The following OTOGL variants were observed in gnomAD, a reference collection of about 807,000 sequenced individuals.
OTOGL encodes otogelin like.
In OTOGL, 285 loss-of-function variants were observed where a neutral mutation model predicts 318.5. That is an observed-to-expected ratio of 0.89 (90% CI 0.81 to 0.99). The LOEUF is 0.99. Among genes scored for constraint, OTOGL ranks in the 50% least tolerant of loss-of-function variants. OTOGL has a pLI of 0.00. For missense variants in OTOGL, 2,899 were observed against 2,845.6 expected, an observed-to-expected ratio of 1.02 and a Z score of -0.43; for synonymous variants, 987 against 936.5, an observed-to-expected ratio of 1.05 and a Z score of -0.99.
chr12:80,163,911 A>G (rs1321100990), intron 1 of OTOGL, among the ~76,000 whole-genome samples: 12 of 152,162 alleles, frequency 7.9e-5, no homozygotes, highest in African/African-American at 2.4e-4. Context: ...TCATTCTTCA[A>G]TGGGAGAAAC....
At chr12:80,205,868 C>T (rs1335216310) in intron 1 of OTOGL, among the ~76,000 whole-genome samples, 1 of 152,040 alleles carries the variant, frequency 6.6e-6, no homozygotes, top group Non-Finnish European at 1.5e-5. Context: ...TACAAATATC[C>T]CATTATTATC....
chr12:80,355,993 G>A (rs1244545937), intron 47 of OTOGL, 45 bp downstream of exon 47: 10 of 1,564,404 alleles, frequency 6.4e-6, no homozygotes, highest in Non-Finnish European at 8.8e-6. Context: ...CACAAAATAT[G>A]TTGATATTCT....
chr12:80,105,062 C>T (rs1365053890), intron 1 of OTOGL, among the ~76,000 whole-genome samples: 1 of 152,060 alleles, frequency 6.6e-6, no homozygotes, highest in Non-Finnish European at 1.5e-5. Context: ...CACCATTGCA[C>T]TCTGCACTCC....
intron 24 of OTOGL, among the ~76,000 whole-genome samples, chr12:80,275,906 G>T (rs1310824764): frequency 6.6e-6 from 1 of 151,232 alleles, no homozygotes; most frequent in Non-Finnish European, 1.5e-5. Context: ...ATGCTATTAT[G>T]CATTTAATAG....
intron 57 of OTOGL, among the ~76,000 whole-genome samples, chr12:80,373,607 T>G (rs1325279145): frequency 6.6e-6 from 1 of 151,824 alleles, no homozygotes; most frequent in Admixed American, 6.6e-5. Flanking sequence ...AGAGTCATAC[T>G]GAACAGAATA....
chr12:80,206,750 A>G (rs1394808454), intron 1 of OTOGL, among the ~76,000 whole-genome samples: 1 of 150,242 alleles, frequency 6.7e-6, no homozygotes, highest in African/African-American at 2.5e-5. Flanking sequence ...TAAACTTCTG[A>G]GCTGAAGTGC....
At chr12:80,314,784 C>T (rs1886867767) in intron 32 of OTOGL, among the ~76,000 whole-genome samples, 1 of 152,020 alleles carries the variant, frequency 6.6e-6, no homozygotes. Flanking sequence ...GATACATGTA[C>T]ACATTGTGGA....
At chr12:80,195,670 A>T (rs545304492) in intron 1 of OTOGL, among the ~76,000 whole-genome samples, 1 of 152,284 alleles carries the variant, frequency 6.6e-6, no homozygotes, top group African/African-American at 2.4e-5. Flanking sequence ...TTAGATTTTG[A>T]TATAGACAAT....
intron 1 of OTOGL, among the ~76,000 whole-genome samples, chr12:80,207,809 T>G (rs893051535): frequency 6.6e-6 from 1 of 152,214 alleles, no homozygotes; most frequent in Non-Finnish European, 1.5e-5. Flanking sequence ...GTCTTTTAAT[T>G]TACTTTGTAG....
chr12:80,128,578 G>A (rs1456050977), intron 1 of OTOGL, among the ~76,000 whole-genome samples: 3 of 152,196 alleles, frequency 2.0e-5, no homozygotes, highest in East Asian at 1.9e-4. Context: ...GTCAGACAGG[G>A]ACATTTAAGT....
intron 26 of OTOGL, among the ~76,000 whole-genome samples, chr12:80,279,461 T>A (rs1291562753): frequency 6.6e-6 from 1 of 151,420 alleles, no homozygotes; most frequent in African/African-American, 2.4e-5. Context: ...CACCCTTAAG[T>A]AGTAGGCCCC....
rs200037459 is a variant in OTOGL, at chr12:80,236,828, TG to T, written c.818-2022del. 2.2e-3 allele frequency among the ~76,000 whole-genome samples: 316 copies of T among 144,570 alleles called. 14 individuals carry two copies. The highest frequency in any genetic ancestry group is 6.5e-3 in the East Asian group (33 of 5,084). The allele number at this position is 144,570 out of a possible 152,430, so 94.8% of individuals were successfully genotyped here. A position where few individuals can be genotyped will look rare whatever the true frequency, so the allele number is the denominator to read the frequency against. Reference sequence around the variant, plus strand: ...TTCTTTTTCTTTTCTTTTTTTTTTTTGTTTGAGACAGGGTCTTTCTCTGTCG... The same window carrying T: ...TTCTTTTTCTTTTCTTTTTTTTTTTTTTTGAGACAGGGTCTTTCTCTGTCG... On this transcript the variant is annotated intron_variant, in intron 9 of 58. Coordinates refer to ENST00000547103, the MANE Select transcript of OTOGL (RefSeq NM_001378609.3).
chr12:80,284,407 C>T (rs1226420547), intron 26 of OTOGL, among the ~76,000 whole-genome samples: 1 of 152,090 alleles, frequency 6.6e-6, no homozygotes. Context: ...AATGAGATTG[C>T]TGGGTCAAGT....
chr12:80,268,044 C>T (rs1402014730), intron 22 of OTOGL, among the ~76,000 whole-genome samples: 1 of 151,956 alleles, frequency 6.6e-6, no homozygotes, highest in Non-Finnish European at 1.5e-5. Flanking sequence ...TCCCCAGGCC[C>T]ATCAATACTA....
rs1227582425 is a variant in OTOGL at position 80,253,398 on chromosome 12, A to C, written c.1286-68A>C. On this transcript the variant is annotated intron_variant, in intron 13 of 58. Transcript: ENST00000547103. The stretch of plus-strand genomic sequence containing the variant: ...GTATTCAACAGAAGTTGGTTGAATT[A>C]TTATATTCCAGAAATACAATCTTTA... 9.2e-6 allele frequency: 13 copies of C among 1,413,372 alleles called. No individual in the cohort carries two copies. In the East Asian group the frequency reaches 3.0e-4, roughly 33 times the overall value. The allele number at this position is 1,413,372 out of a possible 1,614,324, so 87.6% of individuals were successfully genotyped here.
At position 80,337,280 on chromosome 12, in the gene OTOGL, T is replaced by A. The variant is rs11114408; in HGVS notation, c.4860+276T>A. On this transcript the variant is annotated intron_variant, in intron 42 of 58. Coordinates refer to ENST00000547103, the MANE Select transcript of OTOGL (RefSeq NM_001378609.3). ...GAGATAGTGTGATTGGCCAGTCTTC[T>A]TTGTGTCAGAGTTAATATCACGTTC... 0.19 allele frequency among the ~76,000 whole-genome samples: 28,351 copies of A among 151,766 alleles called. 2,834 individuals carry two copies. The highest frequency in any genetic ancestry group is 0.23 in the Middle Eastern group (68 of 294).
chr12:80,217,632 A>C lies in OTOGL; in HGVS notation c.203A>C (p.Asp68Ala). The C allele has an allele frequency of 6.4e-7, 1 of 1,555,298 alleles. No individual in the cohort carries two copies. Among genetic ancestry groups the C allele is most frequent in the Non-Finnish European group, 8.7e-7 (1 of 1,149,288 alleles). Residue 68 changes from aspartate to alanine, a missense_variant, in exon 5 of 59, where the codon GAT (aspartate) becomes GCT (alanine). Transcript: ENST00000547103. ...ACTTCTCCGAGATACTTTTTCCATG[A>C]TGCTATTAATTGGGGTGAGAGCAAA... ...EATSPRYFFH[D>A]AINWGESKIK...
intron 1 of OTOGL, among the ~76,000 whole-genome samples, chr12:80,197,145 T>C (rs1040154753): frequency 6.6e-6 from 1 of 152,216 alleles, no homozygotes; most frequent in South Asian, 2.1e-4. Flanking sequence ...ATTTTAAATC[T>C]ACCTATAACT....
intron 24 of OTOGL, among the ~76,000 whole-genome samples, 185 bp from the exon 25 acceptor site, chr12:80,277,983 T>C (rs1883933837): frequency 6.6e-6 from 1 of 151,496 alleles, no homozygotes; most frequent in African/African-American, 2.4e-5. Context: ...AGTACTGCGA[T>C]ATGTAAGGTA....
Sources: allele counts gnomAD v4.1 joint callset (sites outside exome capture counted in the v4.1 genomes callset), GRCh38; gene constraint gnomAD v4.1.1; transcripts MANE v1.5; gene names NCBI Gene and HGNC (gene_info 2026-07-23, HGNC 2026-07-21).